The following OPA1 variants were observed in gnomAD, a reference collection of about 807,000 sequenced individuals.
OPA1 encodes the protein OPA1 mitochondrial dynamin like GTPase, also known as dynamin-like GTPase OPA1, mitochondrial.
In OPA1, 59 loss-of-function variants were observed where a neutral mutation model predicts 152.9. The ratio of observed to expected loss-of-function variants is 0.39; its 90% CI spans 0.31 to 0.48. The LOEUF (loss-of-function observed/expected upper bound fraction) is 0.48. Among genes scored for constraint, OPA1 ranks in the 20% least tolerant of loss-of-function variants. The pLI is 0.96. For missense variants in OPA1, 1,008 were observed against 1,216.8 expected (o/e 0.83, Z 2.55); for synonymous variants, 400 against 389.9 (o/e 1.03, Z -0.31).
At chr3:193,671,072 A>G (rs1717816269) in intron 29 of OPA1, among the ~76,000 whole-genome samples, 1 of 152,210 alleles carries the variant, frequency 6.6e-6, no homozygotes, top group Non-Finnish European at 1.5e-5. Flanking sequence ...ATTGGTAATT[A>G]TATAAATAAG....
chr3:193,612,813 C>A (rs1217889273), intron 1 of OPA1, among the ~76,000 whole-genome samples: 1 of 152,168 alleles, frequency 6.6e-6, no homozygotes, highest in East Asian at 1.9e-4. Flanking sequence ...TGAATCCAAT[C>A]CAGTTAATTA....
chr3:193,602,703 C>CAA (rs545215337), intron 1 of OPA1, among the ~76,000 whole-genome samples: 167 of 152,328 alleles, frequency 1.1e-3, no homozygotes, highest in African/African-American at 4.0e-3. Context: ...TTTGTTCTTT[C>CAA]AAGCTTTCCT....
chr3:193,626,030 C>A, intron 6 of OPA1, 62 bp from the exon 7 acceptor site: 1 of 1,241,128 alleles, frequency 8.1e-7, no homozygotes, highest in East Asian at 2.3e-5. Flanking sequence ...TTTGTTGCAC[C>A]CTTGGTTTAA....
chr3:193,600,328 T>C (rs1726275886), intron 1 of OPA1, among the ~76,000 whole-genome samples: 1 of 152,212 alleles, frequency 6.6e-6, no homozygotes, highest in African/African-American at 2.4e-5. Flanking sequence ...TTGGTGTTAA[T>C]AGGGAATTCA....
chr3:193,610,037 G>C (rs573436827), intron 1 of OPA1, among the ~76,000 whole-genome samples: 1 of 152,192 alleles, frequency 6.6e-6, no homozygotes, highest in African/African-American at 2.4e-5. Flanking sequence ...CTCTCAGCTC[G>C]TCAAAGTCAT....
chr3:193,630,666 C>T (rs1731938624), intron 7 of OPA1, among the ~76,000 whole-genome samples: 1 of 152,098 alleles, frequency 6.6e-6, no homozygotes, highest in South Asian at 2.1e-4. Flanking sequence ...GAAATAAGTT[C>T]ATATTTACAA....
chr3:193,661,970 T>G (rs112580145), intron 25 of OPA1, among the ~76,000 whole-genome samples: 5,248 of 152,290 alleles, frequency 0.034, 340 homozygotes, highest in African/African-American at 0.12. Context: ...ATTTATGTGT[T>G]AATCTTGTCT....
chr3:193,655,070 A>C (rs1208020360), intron 22 of OPA1, 43 bp downstream of exon 22: 1 of 1,570,630 alleles, frequency 6.4e-7, no homozygotes, highest in East Asian at 2.2e-5. Context: ...GCATTATCTG[A>C]AGGGAGTAGG....
At chr3:193,650,414 A>G (rs1489639302) in intron 21 of OPA1, among the ~76,000 whole-genome samples, 2 of 152,180 alleles carry the variant, frequency 1.3e-5, no homozygotes, top group South Asian at 2.1e-4. Flanking sequence ...TTCATACCAC[A>G]TTGAATTCAA....
At chr3:193,668,366 A>G in intron 29 of OPA1, 3 of 1,550,988 alleles carry the variant, frequency 1.9e-6, no homozygotes, top group Non-Finnish European at 2.6e-6. Flanking sequence ...AGGCCACCAC[A>G]TGGCGCCGCA....
chr3:193,628,043 C>T (rs1731444252), intron 7 of OPA1, among the ~76,000 whole-genome samples: 1 of 152,074 alleles, frequency 6.6e-6, no homozygotes, highest in Non-Finnish European at 1.5e-5. Context: ...CAATATCCTC[C>T]ACTCCTTTCC....
At position 193,664,362 on chromosome 3, in the gene OPA1, A is replaced by G. The variant is rs59333407; in HGVS notation, c.2662-518A>G. Among the ~76,000 whole-genome samples, 1,125 of 152,134 alleles carry G rather than the reference A, an allele frequency of 7.4e-3. 10 individuals are homozygous for G. The highest frequency in any genetic ancestry group is 0.022 in the African/African-American group (911 of 41,548). ...GTTAACATTATTATTGTTTTGCTCAAAAAAGGACAGAGGGTATTAAAGAAT... is the reference window on the plus strand; with the variant it reads ...GTTAACATTATTATTGTTTTGCTCAGAAAAGGACAGAGGGTATTAAAGAAT... On this transcript the variant is annotated intron_variant, in intron 26 of 30. Coordinates refer to ENST00000361510, the MANE Select transcript of OPA1 (RefSeq NM_130837.3).
At position 193,667,065 on chromosome 3, in the gene OPA1, C is replaced by T. The variant is rs1716726542; in HGVS notation, c.2873-105C>T. The T allele has an allele frequency of 1.4e-5, 10 of 690,774 alleles. No homozygotes were observed. In the Admixed American group the frequency reaches 2.1e-4, roughly 15 times the overall value. 42.8% of individuals were successfully genotyped at this position (690,774 alleles called of 1,614,324 possible). Reference sequence around the variant, plus strand: ...ACTATGAAAAGTATTAGCAATAGTTCTAACATGATAAAAAATTTACTCTCC... The same window carrying T: ...ACTATGAAAAGTATTAGCAATAGTTTTAACATGATAAAAAATTTACTCTCC... On this transcript the variant is annotated intron_variant, in intron 28 of 30. Transcript: ENST00000361510.
In OPA1 at chr3:193,657,239, T is replaced by C; in HGVS notation, c.2331+7T>C. 6.2e-7 allele frequency: 1 copy of C among 1,613,734 alleles called. No homozygotes were observed. The highest frequency in any genetic ancestry group is 8.5e-7 in the Non-Finnish European group (1 of 1,179,718). The stretch of plus-strand genomic sequence containing the variant: ...CTTTGCGGAGGACAGCTTGGTATGT[T>C]GTTTGTATACTGGGGTATCAGCCTC... On this transcript the variant is annotated splice_region_variant and intron_variant, in intron 23 of 30. Coordinates refer to ENST00000361510, the MANE Select transcript of OPA1 (RefSeq NM_130837.3).
chr3:193,645,538 C>T lies in OPA1; in HGVS notation c.1609-15C>T, dbSNP rs1208111110. 2 of 1,602,394 alleles carry T rather than the reference C, an allele frequency of 1.2e-6. No individual in the cohort carries two copies. The highest frequency in any genetic ancestry group is 2.7e-5 in the African/African-American group (2 of 74,768). ...AACTATATCTCACATTAATTTTTCC[C>T]ACTTTTAAAAATAGATTCAGCAGAT... On this transcript the variant is annotated splice_polypyrimidine_tract_variant and intron_variant, in intron 16 of 30. Transcript: ENST00000361510.
At chr3:193,663,449 A>C (rs1310980041) in intron 26 of OPA1, among the ~76,000 whole-genome samples, 1 of 152,096 alleles carries the variant, frequency 6.6e-6, no homozygotes, top group East Asian at 1.9e-4. Flanking sequence ...CTCTTTTGTT[A>C]ATGTGAGAAT....
intron 23 of OPA1, among the ~76,000 whole-genome samples, chr3:193,658,444 T>C (rs1714441323): frequency 6.6e-6 from 1 of 152,204 alleles, no homozygotes; most frequent in Non-Finnish European, 1.5e-5. Flanking sequence ...TTTTCGTTGC[T>C]GTTAACACTG....
At chr3:193,625,310 A>C (rs1188800853) in intron 6 of OPA1, among the ~76,000 whole-genome samples, 1 of 152,182 alleles carries the variant, frequency 6.6e-6, no homozygotes, top group Admixed American at 6.5e-5. Context: ...TTTTCATTTC[A>C]GAATTTCATA....
intron 29 of OPA1, among the ~76,000 whole-genome samples, chr3:193,675,288 T>C (rs1207228408): frequency 6.8e-6 from 1 of 147,126 alleles, no homozygotes; most frequent in African/African-American, 2.5e-5. Flanking sequence ...GTTGTAGAAT[T>C]CTAGGTATGT....
Sources: gnomAD v4.1 joint callset for allele counts (sites outside exome capture counted in the v4.1 genomes callset) on GRCh38, gnomAD v4.1.1 for gene constraint, MANE v1.5 for transcripts, NCBI Gene and HGNC (gene_info 2026-07-23, HGNC 2026-07-21) for gene names.